Variants in ROBO1 observed in about 807,000 individuals in gnomAD.
The protein encoded by ROBO1 is roundabout homolog 1.
ROBO1 carries 149 observed loss-of-function variants against 195.9 expected under a neutral mutation model. The observed-to-expected ratio is 0.76, with a 90% confidence interval of 0.67 to 0.87. ROBO1 has a LOEUF of 0.87. ROBO1 is among the 40% of genes least tolerant of loss of function. The pLI is 0.00. For missense variants in ROBO1, 1,933 were observed against 2,068.3 expected (o/e 0.93, Z 1.27); for synonymous variants, 816 against 733.2 (o/e 1.11, Z -1.82).
intron 1 of ROBO1, among the ~76,000 whole-genome samples, chr3:79,641,218 G>A (rs534749573): frequency 3.9e-5 from 6 of 151,956 alleles, no homozygotes; most frequent in East Asian, 1.9e-4. Context: ...TTTTCCTGCC[G>A]CTCAGAATGC....
intron 4 of ROBO1, among the ~76,000 whole-genome samples, chr3:78,770,940 A>T (rs1576130041): frequency 6.6e-6 from 1 of 151,984 alleles, no homozygotes; most frequent in African/African-American, 2.4e-5. Flanking sequence ...TGTTGCTTCC[A>T]CCTGTGGTCC....
At chr3:79,541,507 T>A (rs1489902243) in intron 2 of ROBO1, among the ~76,000 whole-genome samples, 1 of 152,114 alleles carries the variant, frequency 6.6e-6, no homozygotes, top group Non-Finnish European at 1.5e-5. Flanking sequence ...AGTATTTCTT[T>A]AAGGACAGAA....
chr3:79,039,288 T>C (rs2078437025), intron 3 of ROBO1, among the ~76,000 whole-genome samples: 1 of 152,152 alleles, frequency 6.6e-6, no homozygotes, highest in Non-Finnish European at 1.5e-5. Context: ...TTCTCAACTG[T>C]TTTCTGGGGA....
At chr3:79,733,090 G>A (rs899033250) in intron 1 of ROBO1, among the ~76,000 whole-genome samples, 2 of 152,168 alleles carry the variant, frequency 1.3e-5, no homozygotes, top group Middle Eastern at 3.4e-3. Context: ...TCAGATACCC[G>A]AGTGTCATTC....
intron 2 of ROBO1, among the ~76,000 whole-genome samples, chr3:79,416,177 CA>C (rs2037992087): frequency 6.6e-6 from 1 of 151,736 alleles, no homozygotes. Context: ...ACGATGGCTA[CA>C]AAATGGTAAA....
intron 2 of ROBO1, among the ~76,000 whole-genome samples, chr3:79,581,339 G>A (rs1420656610): frequency 6.6e-6 from 1 of 152,060 alleles, no homozygotes; most frequent in Non-Finnish European, 1.5e-5. Flanking sequence ...TAATTAGGTG[G>A]ACCGTGTGGC....
intron 2 of ROBO1, among the ~76,000 whole-genome samples, chr3:79,314,492 T>C (rs1276189959): frequency 6.6e-6 from 1 of 152,232 alleles, no homozygotes; most frequent in Admixed American, 6.5e-5. Context: ...AGGACATGTT[T>C]GCTTCTCCTT....
chr3:79,368,973 T>G (rs138309900), intron 2 of ROBO1, among the ~76,000 whole-genome samples: 1 of 152,318 alleles, frequency 6.6e-6, no homozygotes, highest in African/African-American at 2.4e-5. Flanking sequence ...GATTAATAAA[T>G]GTTTAAGGTA....
At chr3:79,143,830 C>T (rs925250477) in intron 2 of ROBO1, among the ~76,000 whole-genome samples, 2 of 151,868 alleles carry the variant, frequency 1.3e-5, no homozygotes, top group African/African-American at 4.8e-5. Context: ...TCACGCTGCC[C>T]TTTCATGGTC....
chr3:78,858,414 A>G (rs1222678985), intron 4 of ROBO1, among the ~76,000 whole-genome samples: 1 of 151,952 alleles, frequency 6.6e-6, no homozygotes, highest in Non-Finnish European at 1.5e-5. Flanking sequence ...GGCCAGTCTC[A>G]GCAGCTGCAG....
At chr3:79,366,546 G>C (rs1169138305) in intron 2 of ROBO1, among the ~76,000 whole-genome samples, 2 of 152,084 alleles carry the variant, frequency 1.3e-5, no homozygotes, top group African/African-American at 2.4e-5. Flanking sequence ...CTTGGCAAGA[G>C]AGCAATGTTT....
intron 5 of ROBO1, among the ~76,000 whole-genome samples, chr3:78,725,788 G>T (rs564386743): frequency 7.9e-4 from 120 of 152,142 alleles, no homozygotes; most frequent in South Asian, 2.3e-3. Context: ...TAAGTTTTTT[G>T]ATTGGGTTAT....
intron 1 of ROBO1, among the ~76,000 whole-genome samples, chr3:79,712,213 T>C (rs187541861): frequency 6.6e-6 from 1 of 152,260 alleles, no homozygotes; most frequent in African/African-American, 2.4e-5. Flanking sequence ...TATCAAAAGC[T>C]GAGATAGGCT....
intron 2 of ROBO1, among the ~76,000 whole-genome samples, chr3:79,511,801 T>C (rs1280856907): frequency 6.6e-6 from 1 of 152,094 alleles, no homozygotes; most frequent in Non-Finnish European, 1.5e-5. Context: ...GCCATTATCC[T>C]TAGCAAATTA....
At chr3:79,432,254 T>C (rs1473629249) in intron 2 of ROBO1, among the ~76,000 whole-genome samples, 1 of 152,022 alleles carries the variant, frequency 6.6e-6, no homozygotes, top group Non-Finnish European at 1.5e-5. Flanking sequence ...AGCAAGACAA[T>C]GTAATGAGTT....
chr3:79,484,746 T>C lies in ROBO1; in HGVS notation c.88+105078A>G, dbSNP rs541281537. On this transcript the variant is annotated intron_variant, in intron 2 of 30. Transcript: ENST00000464233. ...TCACATGGTTTATACACCACTATCA[T>C]TGCACTATCTTTTTTTTTTTTTTTT... Among the ~76,000 whole-genome samples, 8 of 130,620 alleles carry C rather than the reference T, an allele frequency of 6.1e-5. No individual in the cohort carries two copies. In the South Asian group the frequency reaches 7.9e-4, roughly 13 times the overall value. 85.7% of individuals were successfully genotyped at this position (130,620 alleles called of 152,430 possible). A position where few individuals can be genotyped will look rare whatever the true frequency, so the allele number is the denominator to read the frequency against.
chr3:78,706,731 G>C (rs1238544114), intron 8 of ROBO1, among the ~76,000 whole-genome samples: 1 of 152,042 alleles, frequency 6.6e-6, no homozygotes, highest in Non-Finnish European at 1.5e-5. Context: ...AGAGTTTCCC[G>C]GAGAAATGAT....
chr3:79,673,563 T>C (rs1205481657), intron 1 of ROBO1, among the ~76,000 whole-genome samples: 2 of 151,920 alleles, frequency 1.3e-5, no homozygotes, highest in African/African-American at 2.4e-5. Context: ...CCTTTTTGTG[T>C]GGGAGGCACA....
Position 78,942,298 on chromosome 3 carries a change from C to G in ROBO1, c.173-3371G>C, listed in dbSNP as rs117832166. On this transcript the variant is annotated intron_variant, in intron 3 of 30. Coordinates refer to ENST00000464233, the MANE Select transcript of ROBO1 (RefSeq NM_002941.4). Reference sequence around the variant, plus strand: ...ACAGGGACAGAGGGAGACACTGTCTCAAAGATAAAGAAAGGAAGAAACCTG... The same window carrying G: ...ACAGGGACAGAGGGAGACACTGTCTGAAAGATAAAGAAAGGAAGAAACCTG... Among the ~76,000 whole-genome samples the G allele has an allele frequency of 9.2e-4, 139 of 151,912 alleles. 2 individuals are homozygous for G. In the East Asian group the frequency reaches 0.02, roughly 22 times the overall value.
Sources: gnomAD v4.1 joint callset for allele counts (sites outside exome capture counted in the v4.1 genomes callset) on GRCh38, gnomAD v4.1.1 for gene constraint, MANE v1.5 for transcripts, NCBI Gene and HGNC (gene_info 2026-07-23, HGNC 2026-07-21) for gene names.